WWOX: variants seen among roughly 807,000 people sequenced by gnomAD.
WWOX encodes the protein WW domain-containing oxidoreductase.
Under a neutral mutation model 46.2 loss-of-function variants are expected in WWOX, and 69 were observed. The observed-to-expected ratio is 1.49, with a 90% CI of 1.23 to 1.82. The LOEUF is 1.82. WWOX is among the 40% of genes most tolerant of loss of function. WWOX has a pLI of 0.00. For synonymous variants in WWOX, 359 were observed against 202.6 expected, an observed-to-expected ratio of 1.77 and a Z score of -6.56; for missense variants, 919 against 542.6, an observed-to-expected ratio of 1.69 and a Z score of -6.89.
chr16:78,811,382 A>T (rs184819920), intron 8 of WWOX, among the ~76,000 whole-genome samples: 4 of 152,232 alleles, frequency 2.6e-5, no homozygotes, highest in African/African-American at 9.6e-5. Flanking sequence ...TTGAGAAGCT[A>T]TCACTGTGTA....
At chr16:78,389,362 G>T (rs371452412) in intron 6 of WWOX, among the ~76,000 whole-genome samples, 1 of 152,332 alleles carries the variant, frequency 6.6e-6, no homozygotes, top group East Asian at 1.9e-4. Context: ...TCTGAGAAGA[G>T]AGTGGTGGCC....
At chr16:79,096,835 A>G (rs1001935348) in intron 8 of WWOX, among the ~76,000 whole-genome samples, 2 of 152,154 alleles carry the variant, frequency 1.3e-5, no homozygotes, top group African/African-American at 2.4e-5. Context: ...CTCTCACAGA[A>G]TAAGAAGAAG....
intron 8 of WWOX, among the ~76,000 whole-genome samples, chr16:78,889,061 A>G (rs894102686): frequency 3.9e-5 from 6 of 152,024 alleles, no homozygotes; most frequent in African/African-American, 1.4e-4. Context: ...CTTTTACAAG[A>G]AGATGTCTCT....
At chr16:78,904,470 C>T (rs1357577512) in intron 8 of WWOX, among the ~76,000 whole-genome samples, 1 of 151,960 alleles carries the variant, frequency 6.6e-6, no homozygotes, top group Non-Finnish European at 1.5e-5. Flanking sequence ...TTCTCTTGAC[C>T]TTGTGATCTG....
At chr16:78,798,389 A>G (rs1265576309) in intron 8 of WWOX, among the ~76,000 whole-genome samples, 1 of 152,172 alleles carries the variant, frequency 6.6e-6, no homozygotes, top group Non-Finnish European at 1.5e-5. Flanking sequence ...CAACCCAAGG[A>G]TGTCATCGAC....
intron 8 of WWOX, among the ~76,000 whole-genome samples, chr16:78,849,422 A>G (rs964896297): frequency 6.6e-5 from 10 of 151,730 alleles, no homozygotes; most frequent in African/African-American, 2.4e-4. Flanking sequence ...ATACAAAAAA[A>G]AATTAGCCAG....
chr16:78,874,323 G>C (rs2044190338), intron 8 of WWOX, among the ~76,000 whole-genome samples: 3 of 151,662 alleles, frequency 2.0e-5, no homozygotes, highest in South Asian at 4.2e-4. Flanking sequence ...GAGTTGAATA[G>C]AGAGCTGCAT....
At chr16:78,103,494 A>G (rs930640403) in intron 1 of WWOX, among the ~76,000 whole-genome samples, 2 of 152,040 alleles carry the variant, frequency 1.3e-5, no homozygotes, top group African/African-American at 2.4e-5. Flanking sequence ...GCTGGCCCTC[A>G]GTTCTCTGGA....
intron 6 of WWOX, among the ~76,000 whole-genome samples, chr16:78,387,679 T>C (rs1703377971): frequency 6.6e-6 from 1 of 152,158 alleles, no homozygotes; most frequent in Non-Finnish European, 1.5e-5. Context: ...CTAATTACAA[T>C]ACTTTGTTTC....
intron 8 of WWOX, among the ~76,000 whole-genome samples, chr16:78,965,894 G>T (rs990075488): frequency 6.6e-6 from 1 of 152,130 alleles, no homozygotes; most frequent in African/African-American, 2.4e-5. Context: ...CAGTATTGCC[G>T]TGGTTTATAC....
intron 8 of WWOX, among the ~76,000 whole-genome samples, chr16:79,023,860 G>T (rs546933856): frequency 6.6e-6 from 1 of 152,104 alleles, no homozygotes; most frequent in Non-Finnish European, 1.5e-5. Flanking sequence ...GGAGGCTGAG[G>T]CAGGAGAATC....
At chr16:78,396,436 G>C (rs999840878) in intron 6 of WWOX, among the ~76,000 whole-genome samples, 22 of 152,088 alleles carry the variant, frequency 1.4e-4, no homozygotes, top group African/African-American at 4.8e-4. Flanking sequence ...CAGAATCCTA[G>C]GTTTAACTAT....
chr16:78,665,881 C>T (rs988827975), intron 8 of WWOX, among the ~76,000 whole-genome samples: 5 of 152,044 alleles, frequency 3.3e-5, no homozygotes, highest in Admixed American at 6.5e-5. Flanking sequence ...GATGGAGTTT[C>T]ACCATGTTGG....
intron 8 of WWOX, among the ~76,000 whole-genome samples, chr16:78,786,763 C>T (rs2050467655): frequency 2.0e-5 from 3 of 152,210 alleles, no homozygotes. Flanking sequence ...AGACAGCAGG[C>T]AGTTACACAA....
chr16:78,950,545 C>G (rs1363940464), intron 8 of WWOX, among the ~76,000 whole-genome samples: 1 of 151,130 alleles, frequency 6.6e-6, no homozygotes, highest in African/African-American at 2.4e-5. Context: ...CACACACACA[C>G]ACACACACAC....
intron 5 of WWOX, among the ~76,000 whole-genome samples, chr16:78,212,637 A>G (rs1261670744): frequency 1.3e-5 from 2 of 152,212 alleles, no homozygotes; most frequent in African/African-American, 4.8e-5. Flanking sequence ...TAGGTCCACG[A>G]AAGAGGGTAT....
chr16:78,933,879 A>G (rs1240474593), intron 8 of WWOX, among the ~76,000 whole-genome samples: 1 of 151,552 alleles, frequency 6.6e-6, no homozygotes, highest in Non-Finnish European at 1.5e-5. Flanking sequence ...TTGGGTGGGG[A>G]CACAGCTAAA....
chr16:78,455,613 A>G (rs950143232), intron 8 of WWOX, among the ~76,000 whole-genome samples: 2 of 116,250 alleles, frequency 1.7e-5, no homozygotes, highest in African/African-American at 1.0e-4. Context: ...ACTGCACTCC[A>G]GCCTGGGTTA....
rs552133167 is a variant in WWOX at position 79,177,607 on chromosome 16, G to A, written c.1057-34001G>A. Among the ~76,000 whole-genome samples the A allele has an allele frequency of 1.4e-4, 21 of 152,170 alleles. No individual in the cohort carries two copies. The South Asian group carries it at 4.4e-3, about 32-fold the overall frequency. On this transcript the variant is annotated intron_variant, in intron 8 of 8. Transcript: ENST00000566780. ...GGTGATGGAGTGGGGGAAAAAAGTG[G>A]GAGCATCAGCTGAAAACCCACTTTA... is the stretch of plus-strand genomic sequence containing the variant.
Sources: gnomAD v4.1 joint callset for allele counts (sites outside exome capture counted in the v4.1 genomes callset) on GRCh38, gnomAD v4.1.1 for gene constraint, MANE v1.5 for transcripts, NCBI Gene and HGNC (gene_info 2026-07-23, HGNC 2026-07-21) for gene names.